The following CNTNAP2 variants were observed in gnomAD, a reference collection of about 807,000 sequenced individuals.
CNTNAP2 encodes the protein contactin-associated protein-like 2.
CNTNAP2 carries 98 observed loss-of-function variants against 155.2 expected under a neutral mutation model. The ratio of observed to expected loss-of-function variants is 0.63; its 90% CI spans 0.54 to 0.75. The LOEUF is 0.75. Ranked by LOEUF, CNTNAP2 falls within the 30% of genes least tolerant of loss-of-function variation. The pLI, the probability that CNTNAP2 is intolerant of heterozygous loss-of-function variation, is 0.00. For missense variants in CNTNAP2, 1,727 were observed against 1,688.1 expected (o/e 1.02, Z -0.40); for synonymous variants, 651 against 631.2 (o/e 1.03, Z -0.47).
intron 1 of CNTNAP2, among the ~76,000 whole-genome samples, chr7:146,434,718 T>C (rs1796217721): frequency 6.6e-6 from 1 of 152,168 alleles, no homozygotes; most frequent in African/African-American, 2.4e-5. Context: ...CAGCAATGGA[T>C]TAAAACAATA....
At chr7:147,286,345 A>G (rs553633589) in intron 8 of CNTNAP2, among the ~76,000 whole-genome samples, 1 of 152,220 alleles carries the variant, frequency 6.6e-6, no homozygotes, top group East Asian at 1.9e-4. Flanking sequence ...TGATACAATA[A>G]CAATCTTATC....
At chr7:146,217,728 T>C (rs6979297) in intron 1 of CNTNAP2, among the ~76,000 whole-genome samples, 3,092 of 152,216 alleles carry the variant, frequency 0.02, 92 homozygotes, top group African/African-American at 0.065. Flanking sequence ...GGTGGGGGGA[T>C]TGAGACTGAC....
At chr7:147,952,714 G>A (rs931774973) in intron 14 of CNTNAP2, among the ~76,000 whole-genome samples, 6 of 152,020 alleles carry the variant, frequency 3.9e-5, no homozygotes, top group South Asian at 2.1e-4. Flanking sequence ...ACACAGACAC[G>A]TCACATGCAG....
At chr7:146,554,412 T>C (rs1798166734) in intron 1 of CNTNAP2, among the ~76,000 whole-genome samples, 1 of 152,220 alleles carries the variant, frequency 6.6e-6, no homozygotes, top group South Asian at 2.1e-4. Flanking sequence ...CAACACATTT[T>C]TGGTAACTAT....
At chr7:146,632,268 T>C (rs1799522898) in intron 1 of CNTNAP2, among the ~76,000 whole-genome samples, 1 of 152,194 alleles carries the variant, frequency 6.6e-6, no homozygotes. Flanking sequence ...CCAGGGATTT[T>C]AGGATTTGAT....
chr7:147,147,354 T>G (rs1801727853), intron 8 of CNTNAP2, among the ~76,000 whole-genome samples: 1 of 152,170 alleles, frequency 6.6e-6, no homozygotes, highest in African/African-American at 2.4e-5. Flanking sequence ...ACCATATCAG[T>G]ATATAAATCT....
At chr7:148,199,420 C>T (rs1795331843) in intron 18 of CNTNAP2, among the ~76,000 whole-genome samples, 1 of 152,096 alleles carries the variant, frequency 6.6e-6, no homozygotes. Context: ...TAGGTGTATC[C>T]AGAGGTAATA....
chr7:147,083,090 G>A (rs1800171447), intron 4 of CNTNAP2: 2 of 152,124 alleles, frequency 1.3e-5, no homozygotes, highest in African/African-American at 4.8e-5. Context: ...TAGCGGCAAG[G>A]AAATGGGATT....
rs991995176 is a variant in CNTNAP2, at chr7:146,705,593, C to T, written c.98-68678C>T. ...ATACCTGAGACTGGATAATTTATAA[C>T]GAAAAGAGGCTTAATGGACTCACAG... On this transcript the variant is annotated intron_variant, in intron 1 of 23. Transcript: ENST00000361727. Among the ~76,000 whole-genome samples the T allele has an allele frequency of 7.6e-5, 11 of 145,308 alleles. No homozygotes were observed. The East Asian group carries it at 7.8e-4, about 10-fold the overall frequency.
At chr7:146,359,415 C>T (rs1427908405) in intron 1 of CNTNAP2, among the ~76,000 whole-genome samples, 10 of 152,180 alleles carry the variant, frequency 6.6e-5, no homozygotes, top group Admixed American at 6.5e-4. Context: ...CTATCTAACT[C>T]CACTATGCTG....
intron 8 of CNTNAP2, among the ~76,000 whole-genome samples, chr7:147,137,203 T>A (rs1268814894): frequency 1.3e-5 from 2 of 151,354 alleles, no homozygotes; most frequent in Non-Finnish European, 3.0e-5. Flanking sequence ...TTATGTGGAA[T>A]ACTATTATGT....
At chr7:147,584,223 G>A (rs561417492) in intron 12 of CNTNAP2, among the ~76,000 whole-genome samples, 152 of 152,290 alleles carry the variant, frequency 1.0e-3, no homozygotes, top group Non-Finnish European at 1.9e-3. Context: ...CTTTTGAGAT[G>A]CTTCATTTTC....
intron 1 of CNTNAP2, among the ~76,000 whole-genome samples, chr7:146,134,120 G>T (rs1166300787): frequency 6.6e-6 from 1 of 150,752 alleles, no homozygotes; most frequent in Non-Finnish European, 1.5e-5. Flanking sequence ...TCCTTGAAGA[G>T]GTCCTTCACA....
At chr7:146,510,513 T>A (rs1797449912) in intron 1 of CNTNAP2, among the ~76,000 whole-genome samples, 1 of 152,226 alleles carries the variant, frequency 6.6e-6, no homozygotes. Context: ...TTTTTCTATT[T>A]CTGTGAAGAA....
intron 1 of CNTNAP2, among the ~76,000 whole-genome samples, chr7:146,533,783 A>T (rs574097976): frequency 6.6e-6 from 1 of 151,986 alleles, no homozygotes; most frequent in East Asian, 1.9e-4. Context: ...TCTTGGCTTT[A>T]TGTTGGGCAA....
At chr7:147,706,324 G>A (rs1796316169) in intron 13 of CNTNAP2, among the ~76,000 whole-genome samples, 1 of 151,726 alleles carries the variant, frequency 6.6e-6, no homozygotes, top group Non-Finnish European at 1.5e-5. Context: ...CCAGGCTAAT[G>A]GTAATGAATT....
intron 9 of CNTNAP2, among the ~76,000 whole-genome samples, chr7:147,374,366 T>C (rs1233047038): frequency 6.6e-6 from 1 of 152,098 alleles, no homozygotes; most frequent in Non-Finnish European, 1.5e-5. Context: ...TTTATAGGCC[T>C]CTTTAGATAT....
intron 22 of CNTNAP2, among the ~76,000 whole-genome samples, chr7:148,387,085 T>C (rs73747605): frequency 0.059 from 8,978 of 152,186 alleles, 713 homozygotes; most frequent in African/African-American, 0.18. Context: ...AAGCCACCCG[T>C]AAGAGGGAGG....
chr7:146,935,101 A>G (rs939650433), intron 3 of CNTNAP2, among the ~76,000 whole-genome samples: 4 of 152,224 alleles, frequency 2.6e-5, no homozygotes, highest in African/African-American at 9.6e-5. Context: ...CTGTGCACCC[A>G]TTGGAACCTT....
Sources: gnomAD v4.1 joint callset for allele counts (sites outside exome capture counted in the v4.1 genomes callset) on GRCh38, gnomAD v4.1.1 for gene constraint, MANE v1.5 for transcripts, NCBI Gene and HGNC (gene_info 2026-07-23, HGNC 2026-07-21) for gene names.